Variants in SUCNR1 observed in about 807,000 individuals in gnomAD.
SUCNR1 encodes succinate receptor 1.
Under a neutral mutation model 2.4 loss-of-function variants are expected in SUCNR1, and 5 were observed. That is an observed-to-expected ratio of 2.07 (90% confidence interval 1.08 to 4.36). The LOEUF is 4.36. Ranked by LOEUF, SUCNR1 falls within the 30% of genes most tolerant of loss-of-function variation. The pLI is 0.00. For synonymous variants in SUCNR1, 162 were observed against 143.9 expected (o/e 1.13, Z -0.90); for missense variants, 373 against 399.2 (o/e 0.93, Z 0.56).
Position 151,883,465 on chromosome 3 carries a change from CATATATATATATATATATAT to C in SUCNR1, c.*1938_*1957del, listed in dbSNP as rs57096358. 42 of 80,406 alleles carry C rather than the reference CATATATATATATATATATAT, an allele frequency of 5.2e-4. 1 individual carries two copies. The highest frequency in any genetic ancestry group is 1.8e-3 in the East Asian group (4 of 2,260). The allele number at this position is 80,406 out of a possible 1,614,324, so 5.0% of individuals were successfully genotyped here. A position where few individuals can be genotyped will look rare whatever the true frequency, so the allele number is the denominator to read the frequency against. The stretch of plus-strand genomic sequence containing the variant: ...AATATTTTTTCAAACCATAAACTCA[CATATATATATATATATATAT>C]ATATATATATATATATATATGTACC... On this transcript the variant is annotated 3_prime_UTR_variant, in exon 3 of 3. Transcript: ENST00000362032.
intron 1 of SUCNR1, among the ~76,000 whole-genome samples, chr3:151,874,146 A>ATTTTTTTT (rs56678758): frequency 5.0e-5 from 3 of 60,212 alleles, no homozygotes; most frequent in Non-Finnish European, 8.9e-5. Context: ...ATATATATAT[A>ATTTTTTTT]TTTTTTTTTT....
intron 1 of SUCNR1, among the ~76,000 whole-genome samples, chr3:151,878,080 G>A (rs1167642005): frequency 6.6e-6 from 1 of 152,144 alleles, no homozygotes; most frequent in Non-Finnish European, 1.5e-5. Context: ...TAAGATTAGT[G>A]AAAAATGATT....
Position 151,881,193 on chromosome 3 carries a change from G to C in SUCNR1, c.650G>C (p.Arg217Thr), listed in dbSNP as rs1718085397. 1 of 1,614,156 alleles carries C rather than the reference G, an allele frequency of 6.2e-7. No homozygotes were observed. The highest frequency in any genetic ancestry group is 1.3e-5 in the African/African-American group (1 of 75,038). The stretch of plus-strand genomic sequence containing the variant: ...AAGATTGCTCTCTTCCTAAAGCAGA[G>C]GAATAGGCAGGTTGCTACTGCTCTG... ...YYKIALFLKQRNRQVATALPL... is the reference protein window; with the variant it reads ...YYKIALFLKQTNRQVATALPL... Residue 217 changes from arginine to threonine, a missense_variant, in exon 3 of 3, where the codon AGG (arginine) becomes ACG (threonine). By Grantham distance (71) the Arg-to-Thr change is moderately conservative. Around this residue, in one of 3 missense-constraint regions of SUCNR1, gnomAD observed 157 missense variants for 178.7 expected, o/e 0.88. Coordinates refer to ENST00000362032, the MANE Select transcript of SUCNR1 (RefSeq NM_033050.6).
rs1718069554 is a variant in SUCNR1 at position 151,880,826 on chromosome 3, T to C, written c.283T>C (p.Cys95Arg). The C allele has an allele frequency of 1.2e-6, 2 of 1,614,072 alleles. No homozygotes were observed. The highest frequency in any genetic ancestry group is 1.7e-6 in the Non-Finnish European group (2 of 1,180,036). Residue 95 changes from cysteine to arginine, a missense_variant, in exon 3 of 3, where the codon TGC becomes CGC. Physicochemically the swap from Cys to Arg is radical, Grantham distance 180 (BLOSUM62 -3). Coordinates refer to ENST00000362032, the MANE Select transcript of SUCNR1 (RefSeq NM_033050.6). ...NGNWIYGDVLCISNRYVLHAN... is the reference protein window; with the variant it reads ...NGNWIYGDVLRISNRYVLHAN... The stretch of plus-strand genomic sequence containing the variant: ...AAACTGGATATATGGAGACGTGCTC[T>C]GCATAAGCAACCGATATGTGCTTCA...
Position 151,881,572 on chromosome 3 carries a change from T to A in SUCNR1, c.*24T>A. 6.4e-7 allele frequency: 1 copy of A among 1,554,102 alleles called. No individual in the cohort carries two copies. Among genetic ancestry groups the A allele is most frequent in the Non-Finnish European group, 8.6e-7 (1 of 1,157,554 alleles). On this transcript the variant is annotated 3_prime_UTR_variant, in exon 3 of 3. Transcript: ENST00000362032. The stretch of plus-strand genomic sequence containing the variant: ...GAGGGGCTTGTGAAACAGATTGTTC[T>A]ACAGATGAATCTGTAAGCCAGTTAC...
At position 151,880,878 on chromosome 3, in the gene SUCNR1, T is replaced by C; in HGVS notation, c.335T>C (p.Phe112Ser). 1 of 1,614,078 alleles carries C rather than the reference T, an allele frequency of 6.2e-7. No homozygotes were observed. Among genetic ancestry groups the C allele is most frequent in the South Asian group, 1.1e-5 (1 of 91,080 alleles). ...GCCAACCTCTATACCAGCATTCTCT[T>C]TCTCACTTTTATCAGCATAGATCGA... ...LHANLYTSIL[F>S]LTFISIDRYL... The change falls in exon 3 of 3, where the codon TTT becomes TCT. Residue 112 changes from phenylalanine to serine, a missense_variant. Physicochemically the swap from Phe to Ser is radical, Grantham distance 155 (BLOSUM62 -2). Transcript: ENST00000362032.
Position 151,874,125 on chromosome 3 carries a change from C to CATATAT in SUCNR1, c.-42+436_-42+441dup, listed in dbSNP as rs1171918094. Among the ~76,000 whole-genome samples, 94 of 86,850 alleles carry CATATAT rather than the reference C, an allele frequency of 1.1e-3. 1 individual carries two copies. The highest frequency in any genetic ancestry group is 2.5e-3 in the African/African-American group (49 of 19,950). 57.0% of individuals were successfully genotyped at this position (86,850 alleles called of 152,430 possible). ...ACACACACACACACACATATACATA[C>CATATAT]ATATATATATATATATATATATTTT... On this transcript the variant is annotated intron_variant, in intron 1 of 2. Transcript: ENST00000362032.
In SUCNR1 at chr3:151,874,146, A is replaced by ATATATAT. The variant is rs1261567808; in HGVS notation, c.-42+441_-42+442insATATATT. Among the ~76,000 whole-genome samples, 4 of 60,214 alleles carry ATATATAT rather than the reference A, an allele frequency of 6.6e-5. 1 individual carries two copies. Among genetic ancestry groups the ATATATAT allele is most frequent in the African/African-American group, 2.1e-4 (3 of 14,040 alleles). The allele number at this position is 60,214 out of a possible 152,430, so 39.5% of individuals were successfully genotyped here. On this transcript the variant is annotated intron_variant, in intron 1 of 2. Coordinates refer to ENST00000362032, the MANE Select transcript of SUCNR1 (RefSeq NM_033050.6). The stretch of plus-strand genomic sequence containing the variant: ...CATACATATATATATATATATATAT[A>ATATATAT]TTTTTTTTTTTTTTTTTTTTTTTTA...
chr3:151,876,399 T>C (rs892158811), intron 1 of SUCNR1, among the ~76,000 whole-genome samples: 1 of 152,170 alleles, frequency 6.6e-6, no homozygotes, highest in African/African-American at 2.4e-5. Flanking sequence ...TGTTAAAGCC[T>C]ATTGACATTT....
chr3:151,875,142 G>T (rs2108063812), intron 1 of SUCNR1, among the ~76,000 whole-genome samples: 1 of 152,116 alleles, frequency 6.6e-6, no homozygotes, highest in East Asian at 1.9e-4. Flanking sequence ...GGAAACTAAA[G>T]ATTTCACTTT....
chr3:151,884,124 C>A lies in SUCNR1; in HGVS notation c.*2576C>A, dbSNP rs908734090. On this transcript the variant is annotated 3_prime_UTR_variant, in exon 3 of 3. Coordinates refer to ENST00000362032, the MANE Select transcript of SUCNR1 (RefSeq NM_033050.6). ...TATTTTTATTATAGTTTATTATTGT[C>A]TTCATAGCTGAGTACTCTTAAAATT... 5 of 152,138 alleles carry A rather than the reference C, an allele frequency of 3.3e-5. No homozygotes were observed. The East Asian group carries it at 7.7e-4, about 23-fold the overall frequency. The allele number at this position is 152,138 out of a possible 1,614,324, so 9.4% of individuals were successfully genotyped here. A position where few individuals can be genotyped will look rare whatever the true frequency, so the allele number is the denominator to read the frequency against.
rs145165680 is a variant in SUCNR1, at chr3:151,880,645, C to T, written c.102C>T (p.Phe34=). Reference sequence around the variant, plus strand: ...TTTCCATTTTTTATGGGATTGAGTTCGTTGTGGGAGTCCTTGGAAATACCA... The same window carrying T: ...TTTCCATTTTTTATGGGATTGAGTTTGTTGTGGGAGTCCTTGGAAATACCA... ...YYLSIFYGIE[F]VVGVLGNTIV... Residue 34 remains phenylalanine, a synonymous_variant, in exon 3 of 3, where the codon TTC becomes TTT. Transcript: ENST00000362032. The T allele has an allele frequency of 6.2e-4, 1,000 of 1,613,922 alleles. 5 individuals are homozygous for T. Among genetic ancestry groups the T allele is most frequent in the South Asian group, 4.3e-3 (388 of 91,060 alleles).
intron 1 of SUCNR1, among the ~76,000 whole-genome samples, chr3:151,878,122 G>A (rs1717976542): frequency 6.6e-6 from 1 of 152,108 alleles, no homozygotes; most frequent in South Asian, 2.1e-4. Flanking sequence ...GCTACTTGGA[G>A]GACTGGTAGG....
intron 1 of SUCNR1, among the ~76,000 whole-genome samples, chr3:151,875,084 T>C (rs927505464): frequency 1.2e-4 from 18 of 152,272 alleles, no homozygotes; most frequent in African/African-American, 4.3e-4. Flanking sequence ...AAATTAGATA[T>C]TGCTTCTAGT....
intron 1 of SUCNR1, among the ~76,000 whole-genome samples, chr3:151,875,754 A>G (rs888212306): frequency 6.6e-6 from 1 of 152,214 alleles, no homozygotes. Flanking sequence ...CAACTGTATG[A>G]GAAGAAAGAC....
In SUCNR1 at chr3:151,881,470, A is replaced by G. The variant is rs1414350963; in HGVS notation, c.927A>G (p.Gln309=). 1 of 1,613,902 alleles carries G rather than the reference A, an allele frequency of 6.2e-7. No individual in the cohort carries two copies. The highest frequency in any genetic ancestry group is 2.2e-5 in the East Asian group (1 of 44,900). Residue 309 remains glutamine, a synonymous_variant, in exon 3 of 3, where the codon CAA becomes CAG. Transcript: ENST00000362032. Reference sequence around the variant, plus strand: ...ACTTCAGGGACATGCTGATGAATCAACTGAGACACAACTTCAAATCCCTTA... The same window carrying G: ...ACTTCAGGGACATGCTGATGAATCAGCTGAGACACAACTTCAAATCCCTTA... ...GDHFRDMLMN[Q]LRHNFKSLTS...
At position 151,882,828 on chromosome 3, in the gene SUCNR1, T is replaced by C. The variant is rs1204516366; in HGVS notation, c.*1280T>C. 1 of 152,128 alleles carries C rather than the reference T, an allele frequency of 6.6e-6. No individual in the cohort carries two copies. The highest frequency in any genetic ancestry group is 1.5e-5 in the Non-Finnish European group (1 of 67,962). 9.4% of individuals were successfully genotyped at this position (152,128 alleles called of 1,614,324 possible). ...AAAAATGGGTGCTGCATTAGCTTTTTAAAGTCAAACAACTATCACATAATA... is the reference window on the plus strand; with the variant it reads ...AAAAATGGGTGCTGCATTAGCTTTTCAAAGTCAAACAACTATCACATAATA... On this transcript the variant is annotated 3_prime_UTR_variant, in exon 3 of 3. Coordinates refer to ENST00000362032, the MANE Select transcript of SUCNR1 (RefSeq NM_033050.6).
chr3:151,875,610 C>T (rs1239609672), intron 1 of SUCNR1, among the ~76,000 whole-genome samples: 1 of 151,278 alleles, frequency 6.6e-6, no homozygotes, highest in Non-Finnish European at 1.5e-5. Flanking sequence ...AAAAGGGTAC[C>T]CAAATATTAG....
Position 151,881,322 on chromosome 3 carries a change from TG to T in SUCNR1, c.783del (p.Ser262ValfsTer18). The T allele has an allele frequency of 6.2e-7, 1 of 1,614,200 alleles. No homozygotes were observed. The highest frequency in any genetic ancestry group is 8.5e-7 in the Non-Finnish European group (1 of 1,180,020). ...VMRNVRIASR[L>X]GSWKQYQCTQ... The stretch of plus-strand genomic sequence containing the variant: ...CGGAATGTGAGGATCGCTTCACGCC[TG>T]GGGAGTTGGAAGCAGTATCAGTGCA... On this transcript the variant is annotated frameshift_variant, in exon 3 of 3. Coordinates refer to ENST00000362032, the MANE Select transcript of SUCNR1 (RefSeq NM_033050.6). LOFTEE classifies it low-confidence loss of function (END_TRUNC).
Sources: allele counts gnomAD v4.1 joint callset (sites outside exome capture counted in the v4.1 genomes callset), GRCh38; gene constraint gnomAD v4.1.1; regional missense constraint gnomAD v4.1.1; transcripts MANE v1.5; gene names NCBI Gene and HGNC (gene_info 2026-07-23, HGNC 2026-07-21).